Variants in REDIC1 observed in about 807,000 individuals in gnomAD.
REDIC1 encodes regulator of DNA class I crossover intermediates 1.
the REDIC1 span, among the ~76,000 whole-genome samples, chr12:39,680,971 G>T: frequency 2.0e-5 from 3 of 152,172 alleles, no homozygotes; most frequent in Non-Finnish European, 4.4e-5. Context: ...GGACACAAAG[G>T]CATAAGATTG....
chr12:39,643,841 CA>C, the REDIC1 span: 1 of 1,568,918 alleles, frequency 6.4e-7, no homozygotes. Context: ...TATCTCCTGT[CA>C]AAAATTCTGC....
the REDIC1 span, among the ~76,000 whole-genome samples, chr12:39,816,202 A>G: frequency 1.3e-5 from 2 of 152,258 alleles, no homozygotes; most frequent in East Asian, 1.9e-4. Flanking sequence ...ATGATTCTCA[A>G]ATTAGCACAG....
chr12:39,709,801 A>T, the REDIC1 span, among the ~76,000 whole-genome samples: 2 of 151,900 alleles, frequency 1.3e-5, no homozygotes, highest in African/African-American at 2.4e-5. Flanking sequence ...TGCAATGAAC[A>T]TAAGTATGCA....
At chr12:39,719,095 G>A in the REDIC1 span, among the ~76,000 whole-genome samples, 65 of 151,938 alleles carry the variant, frequency 4.3e-4, no homozygotes, top group African/African-American at 1.5e-3. Flanking sequence ...AGAACTGTAC[G>A]TAGATTTAGC....
chr12:39,834,669 T>C, the REDIC1 span, among the ~76,000 whole-genome samples: 2 of 152,008 alleles, frequency 1.3e-5, no homozygotes, highest in Admixed American at 6.6e-5. Context: ...TGGGGCTCGG[T>C]GTGGGAACTG....
the REDIC1 span, among the ~76,000 whole-genome samples, chr12:39,800,473 C>T: frequency 5.1e-5 from 7 of 136,318 alleles, no homozygotes; most frequent in Non-Finnish European, 7.8e-5. Flanking sequence ...GACATTTATG[C>T]AGCCAAAAAA....
At chr12:39,641,892 C>G in the REDIC1 span, among the ~76,000 whole-genome samples, 1 of 151,812 alleles carries the variant, frequency 6.6e-6, no homozygotes, top group South Asian at 2.1e-4. Flanking sequence ...TCTCAGTCAT[C>G]TTGCTAAAGT....
At chr12:39,707,087 T>C in the REDIC1 span, among the ~76,000 whole-genome samples, 2 of 151,816 alleles carry the variant, frequency 1.3e-5, no homozygotes, top group South Asian at 2.1e-4. Context: ...CAACCCACAA[T>C]GGGAGAAAAT....
At chr12:39,749,012 A>G in the REDIC1 span, among the ~76,000 whole-genome samples, 1 of 152,210 alleles carries the variant, frequency 6.6e-6, no homozygotes, top group Non-Finnish European at 1.5e-5. Flanking sequence ...TAGAAGAACT[A>G]GAGAAGCAAG....
chr12:39,786,855 AT>A, the REDIC1 span, among the ~76,000 whole-genome samples: 2 of 152,170 alleles, frequency 1.3e-5, no homozygotes, highest in Non-Finnish European at 1.5e-5. Flanking sequence ...TGGAATTGAG[AT>A]TTTAGTAAAT....
chr12:39,730,679 T>C, the REDIC1 span, among the ~76,000 whole-genome samples: 11 of 152,184 alleles, frequency 7.2e-5, no homozygotes, highest in African/African-American at 2.7e-4. Flanking sequence ...GTATTCTCTG[T>C]ATTTCCTGGT....
chr12:39,879,354 C>A, the REDIC1 span, among the ~76,000 whole-genome samples: 5 of 152,184 alleles, frequency 3.3e-5, no homozygotes, highest in Non-Finnish European at 5.9e-5. Flanking sequence ...GATCTACTGG[C>A]AGCTTGCACC....
chr12:39,712,302 A>C, the REDIC1 span, among the ~76,000 whole-genome samples: 1 of 65,630 alleles, frequency 1.5e-5, no homozygotes, highest in Admixed American at 1.9e-4. Context: ...GTATATATAC[A>C]TACATATATA....
the REDIC1 span, among the ~76,000 whole-genome samples, chr12:39,699,552 T>C: frequency 6.6e-6 from 1 of 152,206 alleles, no homozygotes; most frequent in African/African-American, 2.4e-5. Context: ...CCAGGCTTGC[T>C]TAGGTAAACA....
chr12:39,773,169 G>A, the REDIC1 span, among the ~76,000 whole-genome samples: 1 of 152,186 alleles, frequency 6.6e-6, no homozygotes, highest in Admixed American at 6.5e-5. Flanking sequence ...GCTCTTGGAT[G>A]TGGCACCTTT....
At chr12:39,650,182 A>G in the REDIC1 span, 1 of 1,371,392 alleles carries the variant, frequency 7.3e-7, no homozygotes, top group Non-Finnish European at 9.5e-7. This position sits in a 1 kb window ranked among gnomAD's most constrained non-coding sequence, Gnocchi z 4.3. Flanking sequence ...TAAATAATTT[A>G]AATTGTATAT....
the REDIC1 span, among the ~76,000 whole-genome samples, chr12:39,807,971 A>T: frequency 4.5e-4 from 69 of 152,296 alleles, no homozygotes; most frequent in African/African-American, 1.5e-3. Context: ...CCAGTACTTT[A>T]ATCATCTATT....
At chr12:39,706,021 G>C in the REDIC1 span, among the ~76,000 whole-genome samples, 9 of 152,008 alleles carry the variant, frequency 5.9e-5, no homozygotes, top group African/African-American at 9.7e-5. Flanking sequence ...AAAGAAAGAA[G>C]TCAAATTATC....
the REDIC1 span, among the ~76,000 whole-genome samples, chr12:39,678,987 G>T: frequency 4.5e-4 from 69 of 152,182 alleles, 1 homozygote; most frequent in South Asian, 0.014. Flanking sequence ...CCCACAGCCA[G>T]CATTATACTG....
Sources: gnomAD v4.1 joint callset for allele counts (sites outside exome capture counted in the v4.1 genomes callset) on GRCh38, gnomAD v4.1.1 for gene constraint, Gnocchi (gnomAD v3.1) non-coding constraint, MANE v1.5 for transcripts, NCBI Gene and HGNC (gene_info 2026-07-23, HGNC 2026-07-21) for gene names.